The following TRABD2B variants were observed in gnomAD, a reference collection of about 807,000 sequenced individuals.
The protein encoded by TRABD2B is metalloprotease TIKI2.
Under a neutral mutation model 40.1 loss-of-function variants are expected in TRABD2B, and 14 were observed. The ratio of observed to expected loss-of-function variants is 0.35; its 90% CI spans 0.23 to 0.55. The LOEUF is 0.55. TRABD2B is among the 20% of genes least tolerant of loss of function. The probability of loss-of-function intolerance (pLI) is 0.90; values close to 1 mark genes in which losing one functional copy is unlikely to be tolerated. For missense variants in TRABD2B, 541 were observed against 648.6 expected (o/e 0.83, Z 1.80); for synonymous variants, 263 against 277.0 (o/e 0.95, Z 0.50).
chr1:47,843,937 C>G (rs1645433003), intron 2 of TRABD2B, among the ~76,000 whole-genome samples: 1 of 152,142 alleles, frequency 6.6e-6, no homozygotes, highest in Non-Finnish European at 1.5e-5. Context: ...GGCTGTGGAG[C>G]CTCTCTCGAT....
chr1:47,919,527 G>C (rs1205030758), intron 2 of TRABD2B, among the ~76,000 whole-genome samples: 1 of 152,220 alleles, frequency 6.6e-6, no homozygotes. Flanking sequence ...CTGCTGGTTG[G>C]GTTCCACCTT....
chr1:47,944,652 T>C (rs1339844978), intron 2 of TRABD2B, among the ~76,000 whole-genome samples: 3 of 152,118 alleles, frequency 2.0e-5, no homozygotes, highest in East Asian at 3.9e-4. Flanking sequence ...GGTGCAAAAA[T>C]TGTCCATACA....
intron 2 of TRABD2B, among the ~76,000 whole-genome samples, chr1:47,937,019 T>C (rs1391288047): frequency 8.1e-4 from 62 of 76,152 alleles, no homozygotes; most frequent in South Asian, 9.5e-4. Flanking sequence ...TCATCACCAC[T>C]ACCATGATCA....
intron 4 of TRABD2B, among the ~76,000 whole-genome samples, chr1:47,779,837 C>T (rs369476144): frequency 3.3e-5 from 5 of 152,192 alleles, no homozygotes; most frequent in African/African-American, 9.7e-5. Flanking sequence ...ATGGTGGTGA[C>T]AGGTGGAAGC....
chr1:47,862,818 C>T (rs1382735017), intron 2 of TRABD2B, among the ~76,000 whole-genome samples: 1 of 130,852 alleles, frequency 7.6e-6, no homozygotes, highest in Non-Finnish European at 1.7e-5. Context: ...AATGACAGTA[C>T]TCAATTCAAG....
intron 2 of TRABD2B, among the ~76,000 whole-genome samples, chr1:47,990,789 A>C (rs1372273319): frequency 1.3e-4 from 4 of 30,146 alleles, no homozygotes; most frequent in African/African-American, 7.0e-4. Flanking sequence ...ATATATATAT[A>C]TATATATATA....
At chr1:47,799,748 T>C (rs1644795271) in intron 3 of TRABD2B, among the ~76,000 whole-genome samples, 1 of 152,082 alleles carries the variant, frequency 6.6e-6, no homozygotes, top group Non-Finnish European at 1.5e-5. Flanking sequence ...ATATTATTCC[T>C]CCCCTTGTCT....
chr1:47,809,617 A>G (rs749345703), intron 2 of TRABD2B, among the ~76,000 whole-genome samples: 3 of 152,156 alleles, frequency 2.0e-5, no homozygotes, highest in Non-Finnish European at 4.4e-5. Context: ...TCTGGCTGAG[A>G]TTTATTTATT....
chr1:47,785,928 G>A (rs111846825), intron 4 of TRABD2B, among the ~76,000 whole-genome samples: 10 of 152,306 alleles, frequency 6.6e-5, no homozygotes, highest in African/African-American at 7.2e-5. Flanking sequence ...TTGCCACAGC[G>A]TCCCAGTTGC....
intron 2 of TRABD2B, among the ~76,000 whole-genome samples, chr1:47,919,763 A>G (rs1263156456): frequency 6.6e-6 from 1 of 152,222 alleles, no homozygotes; most frequent in Non-Finnish European, 1.5e-5. Context: ...AGCTCCTGTC[A>G]TGCCCTTCCA....
chr1:47,966,600 A>C (rs1194995132), intron 2 of TRABD2B, among the ~76,000 whole-genome samples: 1 of 152,144 alleles, frequency 6.6e-6, no homozygotes, highest in African/African-American at 2.4e-5. Flanking sequence ...AATCTCAAGA[A>C]GGAATTTAAA....
At chr1:47,823,555 G>A (rs1324788890) in intron 2 of TRABD2B, among the ~76,000 whole-genome samples, 1 of 152,234 alleles carries the variant, frequency 6.6e-6, no homozygotes. Context: ...GGCATGCCTG[G>A]TTCTAGAGAA....
chr1:47,894,980 C>G (rs1644497105), intron 2 of TRABD2B, among the ~76,000 whole-genome samples: 3 of 152,136 alleles, frequency 2.0e-5, no homozygotes, highest in South Asian at 2.1e-4. Flanking sequence ...CTCCTGCCTC[C>G]TCCTCCACCA....
chr1:47,969,461 G>A (rs1570389800), intron 2 of TRABD2B, among the ~76,000 whole-genome samples: 1 of 152,212 alleles, frequency 6.6e-6, no homozygotes. Flanking sequence ...AAGGACAGAA[G>A]CCAGCATAGG....
intron 2 of TRABD2B, among the ~76,000 whole-genome samples, chr1:47,989,606 C>G (rs905876568): frequency 6.6e-6 from 1 of 152,174 alleles, no homozygotes; most frequent in Non-Finnish European, 1.5e-5. Context: ...CTGGGAGTAG[C>G]TGATGCCCAG....
chr1:47,785,857 A>T (rs1156502736), intron 4 of TRABD2B, among the ~76,000 whole-genome samples: 2 of 152,160 alleles, frequency 1.3e-5, no homozygotes, highest in Non-Finnish European at 2.9e-5. Context: ...GTTGGCAGGG[A>T]CAGGGCCCCA....
At chr1:47,923,127 C>T (rs1407301997) in intron 2 of TRABD2B, among the ~76,000 whole-genome samples, 1 of 152,258 alleles carries the variant, frequency 6.6e-6, no homozygotes, top group African/African-American at 2.4e-5. Flanking sequence ...CCACCTTCCC[C>T]TGCCCAACCT....
At chr1:47,974,349 C>A (rs916479488) in intron 2 of TRABD2B, among the ~76,000 whole-genome samples, 5 of 152,076 alleles carry the variant, frequency 3.3e-5, no homozygotes, top group Non-Finnish European at 5.9e-5. Flanking sequence ...CAAAATGTGC[C>A]TTCCCCAGGT....
At chr1:47,922,071 C>T (rs146323906) in intron 2 of TRABD2B, among the ~76,000 whole-genome samples, 14 of 152,330 alleles carry the variant, frequency 9.2e-5, no homozygotes, top group African/African-American at 1.9e-4. Flanking sequence ...GCAAAGCCCA[C>T]GCCATTTCTG....
Sources: allele counts gnomAD v4.1 joint callset (sites outside exome capture counted in the v4.1 genomes callset), GRCh38; gene constraint gnomAD v4.1.1; transcripts MANE v1.5; gene names NCBI Gene and HGNC (gene_info 2026-07-23, HGNC 2026-07-21).